MFSD6: variants seen among roughly 807,000 people sequenced by gnomAD.
MFSD6 encodes major facilitator superfamily domain containing 6, also known as major facilitator superfamily domain-containing protein 6.
Under a neutral mutation model 56.3 loss-of-function variants are expected in MFSD6, and 26 were observed. The ratio of observed to expected loss-of-function variants is 0.46; its 90% CI spans 0.34 to 0.64. MFSD6 has a LOEUF of 0.64. Ranked by LOEUF, MFSD6 falls within the 30% of genes least tolerant of loss-of-function variation. The probability of loss-of-function intolerance (pLI) is 0.01; values close to 1 mark genes in which losing one functional copy is unlikely to be tolerated. For synonymous variants in MFSD6, 331 were observed against 366.9 expected, an observed-to-expected ratio of 0.90 and a Z score of 1.12; for missense variants, 750 against 986.2, an observed-to-expected ratio of 0.76 and a Z score of 3.21.
At chr2:190,472,933 A>C (rs1443320501) in intron 4 of MFSD6, among the ~76,000 whole-genome samples, 1 of 152,234 alleles carries the variant, frequency 6.6e-6, no homozygotes, top group Non-Finnish European at 1.5e-5. Flanking sequence ...GCCAATATTC[A>C]ACATTCTTAA....
chr2:190,475,183 C>T (rs1574202279), intron 4 of MFSD6, among the ~76,000 whole-genome samples: 1 of 152,306 alleles, frequency 6.6e-6, no homozygotes, highest in East Asian at 1.9e-4. Flanking sequence ...CTCACCACTC[C>T]TATTCAACAT....
chr2:190,464,914 TG>T, intron 3 of MFSD6: 1 of 633,728 alleles, frequency 1.6e-6, no homozygotes, highest in Non-Finnish European at 1.8e-6. Context: ...TTGGTGGGGG[TG>T]GGGGAGGGTG....
At chr2:190,419,943 C>T (rs958840754) in intron 2 of MFSD6, among the ~76,000 whole-genome samples, 1 of 152,140 alleles carries the variant, frequency 6.6e-6, no homozygotes, top group African/African-American at 2.4e-5. Context: ...GTAAACAAAG[C>T]CTTCCTTATC....
rs1690495287 is a variant in MFSD6 at position 190,410,108 on chromosome 2, AG to A, written c.-176+1606del. On this transcript the variant is annotated intron_variant, in intron 1 of 7. Transcript: ENST00000392328. This position sits in a 1 kb window ranked among gnomAD's most constrained non-coding sequence, Gnocchi z 4.4. ...AGGCAAATAAAACACAAAGACAAAA[AG>A]CAGAGTTCACAGGTATTTGGTGGTG... Among the ~76,000 whole-genome samples the A allele has an allele frequency of 6.6e-6, 1 of 152,254 alleles. No individual in the cohort carries two copies. The highest frequency in any genetic ancestry group is 1.5e-5 in the Non-Finnish European group (1 of 68,042).
At chr2:190,408,178 C>G (rs1231566132), upstream of MFSD6, among the ~76,000 whole-genome samples, 1 of 151,872 alleles carries the variant, frequency 6.6e-6, no homozygotes, top group African/African-American at 2.4e-5. Flanking sequence ...GGCCCTGAAA[C>G]GGGTCCAGCC....
At position 190,490,127 on chromosome 2, in the gene MFSD6, A is replaced by G. The variant is rs1240586809; in HGVS notation, c.1891+261A>G. ...CTTTTATAATACAAGGTACTAGGGA[A>G]GTATTAGTTTTCAATTTCTCTGGTA... On this transcript the variant is annotated intron_variant, in intron 6 of 7. Transcript: ENST00000392328. This position sits in a 1 kb window ranked among gnomAD's most constrained non-coding sequence, Gnocchi z 4.5. Among the ~76,000 whole-genome samples the G allele has an allele frequency of 6.6e-6, 1 of 152,148 alleles. No homozygotes were observed. The highest frequency in any genetic ancestry group is 1.5e-5 in the Non-Finnish European group (1 of 68,030).
At chr2:190,440,690 A>G (rs1332474592) in intron 3 of MFSD6, among the ~76,000 whole-genome samples, 1 of 152,246 alleles carries the variant, frequency 6.6e-6, no homozygotes, top group East Asian at 1.9e-4. Flanking sequence ...AGAAAAATCT[A>G]TTCAATCAAT....
intron 3 of MFSD6, among the ~76,000 whole-genome samples, chr2:190,448,546 G>A (rs1278428868): frequency 6.6e-6 from 1 of 152,010 alleles, no homozygotes; most frequent in African/African-American, 2.4e-5. Flanking sequence ...TGTTGACTGG[G>A]GAAAAAAGCA....
At chr2:190,466,486 T>C (rs531900081) in intron 3 of MFSD6, among the ~76,000 whole-genome samples, 1 of 152,362 alleles carries the variant, frequency 6.6e-6, no homozygotes, top group South Asian at 2.1e-4. Flanking sequence ...GAGGAAGGAA[T>C]GCGAATGCTC....
intron 3 of MFSD6, among the ~76,000 whole-genome samples, chr2:190,445,164 T>C (rs1486656055): frequency 4.6e-5 from 7 of 152,156 alleles, no homozygotes; most frequent in Non-Finnish European, 1.0e-4. Context: ...GTTTTATTCA[T>C]CTGTAAATCT....
In MFSD6 at chr2:190,489,995, G is replaced by T; in HGVS notation, c.1891+129G>T. 1.5e-6 allele frequency: 1 copy of T among 679,022 alleles called. No homozygotes were observed. Among genetic ancestry groups the T allele is most frequent in the South Asian group, 2.1e-5 (1 of 47,002 alleles). 42.1% of individuals were successfully genotyped at this position (679,022 alleles called of 1,614,324 possible). ...TGTTTGGCTCAATTTTCTGAGTGGC[G>T]TATCGATGAATTCATGTGGACTATT... On this transcript the variant is annotated intron_variant, in intron 6 of 7. Transcript: ENST00000392328. This position sits in a 1 kb window ranked among gnomAD's most constrained non-coding sequence, Gnocchi z 6.6.
chr2:190,464,975 A>G, intron 3 of MFSD6: 3 of 845,774 alleles, frequency 3.5e-6, no homozygotes, highest in Non-Finnish European at 4.3e-6. Flanking sequence ...GGGTCTCACA[A>G]CTAACTACAC....
chr2:190,423,525 A>G lies in MFSD6; in HGVS notation c.-54+8112A>G, dbSNP rs1233414589. Among the ~76,000 whole-genome samples, 1 of 152,208 alleles carries G rather than the reference A, an allele frequency of 6.6e-6. No individual in the cohort carries two copies. Among genetic ancestry groups the G allele is most frequent in the Non-Finnish European group, 1.5e-5 (1 of 68,040 alleles). ...AAGCTGTAGTACAATTTGTTTAATT[A>G]GTCCTTCCATCCTTTGAAGGGCTTT... On this transcript the variant is annotated intron_variant, in intron 2 of 7. Coordinates refer to ENST00000392328, the MANE Select transcript of MFSD6 (RefSeq NM_017694.4). The surrounding 1 kb of genome is among the most constrained non-coding windows in gnomAD (Gnocchi z 4.3).
intron 4 of MFSD6, among the ~76,000 whole-genome samples, chr2:190,483,017 G>A (rs965608170): frequency 1.3e-5 from 2 of 150,106 alleles, no homozygotes; most frequent in African/African-American, 2.4e-5. Flanking sequence ...TCAGCCTCCC[G>A]AGTAGCTGGG....
chr2:190,484,460 C>T (rs908436480), intron 4 of MFSD6, among the ~76,000 whole-genome samples: 4 of 152,296 alleles, frequency 2.6e-5, no homozygotes, highest in African/African-American at 4.8e-5. Context: ...CTCTACTTTA[C>T]AGGAATGTCG....
At chr2:190,446,583 T>C (rs530281183) in intron 3 of MFSD6, among the ~76,000 whole-genome samples, 1 of 152,222 alleles carries the variant, frequency 6.6e-6, no homozygotes, top group East Asian at 1.9e-4. Context: ...TTTTTAAAAT[T>C]TGGGGGATCA....
chr2:190,497,911 A>G lies in MFSD6; in HGVS notation c.2172+192A>G. The G allele has an allele frequency of 1.7e-6, 1 of 595,684 alleles. No individual in the cohort carries two copies. The highest frequency in any genetic ancestry group is 2.8e-6 in the Non-Finnish European group (1 of 353,386). 36.9% of individuals were successfully genotyped at this position (595,684 alleles called of 1,614,324 possible). On this transcript the variant is annotated intron_variant, in intron 7 of 7. Coordinates refer to ENST00000392328, the MANE Select transcript of MFSD6 (RefSeq NM_017694.4). The surrounding 1 kb of genome is among the most constrained non-coding windows in gnomAD (Gnocchi z 5.2). ...GTGTATACAAGGTCCCATAGAGAGAATATTCTGCCTTATGGAGTTCAGGAA... is the reference window on the plus strand; with the variant it reads ...GTGTATACAAGGTCCCATAGAGAGAGTATTCTGCCTTATGGAGTTCAGGAA...
rs1236957788 is a variant in MFSD6, at chr2:190,443,937, A to T, written c.1532+6376A>T. ...CATGGTGTCACACGCCTGTAGTCCC[A>T]GTTACTTGGGAGCCTGAGCTGGGAG... On this transcript the variant is annotated intron_variant, in intron 3 of 7. Transcript: ENST00000392328. This position sits in a 1 kb window ranked among gnomAD's most constrained non-coding sequence, Gnocchi z 4.2. Among the ~76,000 whole-genome samples the T allele has an allele frequency of 1.3e-5, 2 of 152,154 alleles. No individual in the cohort carries two copies. Among genetic ancestry groups the T allele is most frequent in the East Asian group, 3.9e-4 (2 of 5,186 alleles).
At position 190,465,586 on chromosome 2, in the gene MFSD6, CAGTAA is replaced by C. The variant is rs1262685892; in HGVS notation, c.1533-4170_1533-4166del. On this transcript the variant is annotated intron_variant, in intron 3 of 7. Transcript: ENST00000392328. The surrounding 1 kb of genome is among the most constrained non-coding windows in gnomAD (Gnocchi z 4.6). ...GAATTTGATTGTCTAGAAAATGATC[CAGTAA>C]AATATGCTTTAAATTCCTTTATATT... Among the ~76,000 whole-genome samples the C allele has an allele frequency of 6.6e-6, 1 of 152,102 alleles. No homozygotes were observed. Among genetic ancestry groups the C allele is most frequent in the Non-Finnish European group, 1.5e-5 (1 of 68,018 alleles).
Sources: allele counts gnomAD v4.1 joint callset (sites outside exome capture counted in the v4.1 genomes callset), GRCh38; gene constraint gnomAD v4.1.1; non-coding constraint Gnocchi (gnomAD v3.1); transcripts MANE v1.5; gene names NCBI Gene and HGNC (gene_info 2026-07-23, HGNC 2026-07-21).